Variants in PHLDB2 observed in about 807,000 individuals in gnomAD.
PHLDB2 encodes pleckstrin homology like domain family B member 2.
Under a neutral mutation model 123.6 loss-of-function variants are expected in PHLDB2, and 71 were observed. The ratio of observed to expected loss-of-function variants is 0.57; its 90% CI spans 0.47 to 0.70. The LOEUF is 0.70. PHLDB2 is among the 30% of genes least tolerant of loss of function. PHLDB2 has a pLI of 0.00. For missense variants in PHLDB2, 1,446 were observed against 1,519.5 expected, an observed-to-expected ratio of 0.95 and a Z score of 0.80; for synonymous variants, 547 against 541.6, an observed-to-expected ratio of 1.01 and a Z score of -0.14.
At chr3:111,952,800 G>A in intron 11 of PHLDB2, 88 bp downstream of exon 11, 1 of 1,431,052 alleles carries the variant, frequency 7.0e-7, no homozygotes. Context: ...TTAAAGAAAA[G>A]TGCTAAATAA....
intron 1 of PHLDB2, among the ~76,000 whole-genome samples, chr3:111,752,425 A>C (rs1466959544): frequency 6.6e-6 from 1 of 152,144 alleles, no homozygotes; most frequent in Non-Finnish European, 1.5e-5. Context: ...TTTTCACATT[A>C]ATATTTTATT....
chr3:111,939,741 C>T, intron 7 of PHLDB2, 111 bp downstream of exon 7: 1 of 1,113,748 alleles, frequency 9.0e-7, no homozygotes, highest in Non-Finnish European at 1.2e-6. Flanking sequence ...CGTAGTCTGC[C>T]ATGTATGTGG....
chr3:111,772,953 C>T (rs1306082866), intron 1 of PHLDB2, among the ~76,000 whole-genome samples: 1 of 152,222 alleles, frequency 6.6e-6, no homozygotes, highest in Non-Finnish European at 1.5e-5. Context: ...AGGCCAACAA[C>T]TCCTCACCTA....
At chr3:111,859,728 G>A (rs2064704613) in intron 1 of PHLDB2, 152 bp downstream of exon 1, 1 of 985,394 alleles carries the variant, frequency 1.0e-6, no homozygotes, top group Non-Finnish European at 1.2e-6. Context: ...GGCAGTGGCT[G>A]CCCGGGCCGA....
At chr3:111,815,626 G>T (rs2062041492) in intron 1 of PHLDB2, among the ~76,000 whole-genome samples, 1 of 152,196 alleles carries the variant, frequency 6.6e-6, no homozygotes, top group Admixed American at 6.5e-5. Context: ...AAGCAGCAAA[G>T]CATTCAAGGG....
At chr3:111,739,593 CAAACA>C (rs368737988) in intron 1 of PHLDB2, among the ~76,000 whole-genome samples, 48,069 of 114,336 alleles carry the variant, frequency 0.42, 11,308 homozygotes, top group Middle Eastern at 0.57. Flanking sequence ...AAAAACAAAA[CAAACA>C]AAAAAAAAAA....
chr3:111,914,477 G>A (rs1426113263), intron 3 of PHLDB2: 1 of 151,984 alleles, frequency 6.6e-6, no homozygotes, highest in African/African-American at 2.4e-5. Context: ...ACTTGCCAAG[G>A]TTGCATATTG....
At chr3:111,920,441 A>T (rs201162455) in intron 5 of PHLDB2, 22 bp downstream of exon 5, 6 of 1,608,512 alleles carry the variant, frequency 3.7e-6, no homozygotes, top group Non-Finnish European at 5.1e-6. Context: ...TTATATTTCA[A>T]TGCAGTTTTT....
At position 111,939,649 on chromosome 3, in the gene PHLDB2, A is replaced by T. The variant is rs569627193; in HGVS notation, c.2286+19A>T. ...TAGAAAGGTACTTTTTCCAGGTGTC[A>T]TTCAATGTGAAAAATCAAAATATAT... is the stretch of plus-strand genomic sequence containing the variant. On this transcript the variant is annotated intron_variant, in intron 7 of 17. Transcript: ENST00000431670. The T allele has an allele frequency of 6.3e-7, 1 of 1,596,778 alleles. No individual in the cohort carries two copies. Among genetic ancestry groups the T allele is most frequent in the South Asian group, 1.1e-5 (1 of 88,000 alleles).
intron 16 of PHLDB2, among the ~76,000 whole-genome samples, chr3:111,973,320 A>C (rs2072334789): frequency 6.6e-6 from 1 of 152,254 alleles, no homozygotes; most frequent in African/African-American, 2.4e-5. Flanking sequence ...ACAAGTCAAA[A>C]AACACTTTGT....
chr3:111,771,370 G>C (rs1234629167), intron 1 of PHLDB2, among the ~76,000 whole-genome samples: 3 of 149,012 alleles, frequency 2.0e-5, no homozygotes, highest in African/African-American at 7.4e-5. Context: ...TTTTCTTTGA[G>C]ACAGAGTCTT....
At chr3:111,822,478 T>C (rs1341117360) in intron 1 of PHLDB2, among the ~76,000 whole-genome samples, 1 of 152,126 alleles carries the variant, frequency 6.6e-6, no homozygotes, top group Admixed American at 6.6e-5. Context: ...TCAGTGAACA[T>C]ATAAAGTAGC....
Position 111,975,311 on chromosome 3 carries a change from A to G in PHLDB2, c.*748A>G, listed in dbSNP as rs1200035634. 2.6e-5 allele frequency: 4 copies of G among 152,002 alleles called. No homozygotes were observed. Among genetic ancestry groups the G allele is most frequent in the South Asian group, 4.2e-4 (2 of 4,816 alleles). The allele number at this position is 152,002 out of a possible 1,614,324, so 9.4% of individuals were successfully genotyped here. A position where few individuals can be genotyped will look rare whatever the true frequency, so the allele number is the denominator to read the frequency against. ...AAGAGCAAAAAGCTGTGTGTTTTAG[A>G]AAAAAAAGCCAGGTTACGCAACAGG... On this transcript the variant is annotated 3_prime_UTR_variant, in exon 18 of 18. Coordinates refer to ENST00000431670, the MANE Select transcript of PHLDB2 (RefSeq NM_001134438.2).
At chr3:111,834,765 GC>G (rs1055071881) in intron 1 of PHLDB2, among the ~76,000 whole-genome samples, 3 of 151,960 alleles carry the variant, frequency 2.0e-5, no homozygotes, top group African/African-American at 7.2e-5. Context: ...CTCAAACCCA[GC>G]CAATCAAAGA....
intron 1 of PHLDB2, among the ~76,000 whole-genome samples, chr3:111,819,899 C>T (rs935565957): frequency 3.9e-5 from 6 of 152,230 alleles, no homozygotes; most frequent in Non-Finnish European, 7.3e-5. Context: ...TGAAACCAAA[C>T]AAGGTTGACA....
chr3:111,901,192 T>C (rs1431140612), intron 2 of PHLDB2, among the ~76,000 whole-genome samples: 1 of 148,392 alleles, frequency 6.7e-6, no homozygotes, highest in Non-Finnish European at 1.5e-5. Context: ...ACCCCATCTC[T>C]ACTAAAAATA....
At chr3:111,758,263 C>T (rs569129738) in intron 1 of PHLDB2, among the ~76,000 whole-genome samples, 2 of 152,318 alleles carry the variant, frequency 1.3e-5, no homozygotes, top group African/African-American at 4.8e-5. Context: ...CCACCCAGTT[C>T]GAGCTTCCCG....
At chr3:111,903,194 C>A (rs920518669) in intron 2 of PHLDB2, among the ~76,000 whole-genome samples, 3 of 152,170 alleles carry the variant, frequency 2.0e-5, no homozygotes, top group Non-Finnish European at 4.4e-5. Context: ...AAGGGGGGGA[C>A]ACCCGTTTCT....
At chr3:111,793,644 C>G (rs976838411) in intron 1 of PHLDB2, among the ~76,000 whole-genome samples, 1 of 152,018 alleles carries the variant, frequency 6.6e-6, no homozygotes, top group Non-Finnish European at 1.5e-5. Context: ...CAGCATGGGA[C>G]TAGGTCTCAT....
Sources: allele counts gnomAD v4.1 joint callset (sites outside exome capture counted in the v4.1 genomes callset), GRCh38; gene constraint gnomAD v4.1.1; transcripts MANE v1.5; gene names NCBI Gene and HGNC (gene_info 2026-07-23, HGNC 2026-07-21).